Variants in BCAT1 observed in about 807,000 individuals in gnomAD.
BCAT1 encodes branched-chain-amino-acid aminotransferase, cytosolic.
Under a neutral mutation model 52.4 loss-of-function variants are expected in BCAT1, and 48 were observed. That is an observed-to-expected ratio of 0.92 (90% confidence interval 0.73 to 1.16). The LOEUF (loss-of-function observed/expected upper bound fraction) is 1.16, where lower values mean the gene tolerates loss of function less well. Among genes scored for constraint, BCAT1 ranks in the 50% most tolerant of loss-of-function variants. The pLI, the probability that BCAT1 is intolerant of heterozygous loss-of-function variation, is 0.00. For missense variants in BCAT1, 451 were observed against 457.1 expected, an observed-to-expected ratio of 0.99 and a Z score of 0.12; for synonymous variants, 167 against 161.3, an observed-to-expected ratio of 1.04 and a Z score of -0.27.
intron 4 of BCAT1, among the ~76,000 whole-genome samples, chr12:24,880,219 C>T (rs918738537): frequency 2.6e-5 from 4 of 152,176 alleles, no homozygotes; most frequent in African/African-American, 7.2e-5. Context: ...GAGGCTGAGG[C>T]AGGCAGATCA....
chr12:24,894,260 T>C lies in BCAT1; in HGVS notation c.279+15A>G, dbSNP rs750001800. 3 of 1,611,864 alleles carry C rather than the reference T, an allele frequency of 1.9e-6. No individual in the cohort carries two copies. Among genetic ancestry groups the C allele is most frequent in the Non-Finnish European group, 2.5e-6 (3 of 1,178,196 alleles). ...AGTGCAAGCATGTCACTCTCTTTAA[T>C]TCCCATGTACTTACTTCCACTGCAT... On this transcript the variant is annotated intron_variant, in intron 3 of 10. Transcript: ENST00000261192.
Position 24,894,339 on chromosome 12 carries a change from T to G in BCAT1, c.215A>C (p.His72Pro). The G allele has an allele frequency of 1.2e-6, 2 of 1,613,958 alleles. No homozygotes were observed. The highest frequency in any genetic ancestry group is 1.7e-6 in the Non-Finnish European group (2 of 1,179,874). The change falls in exon 3 of 11, where the codon CAT becomes CCT. Residue 72 changes from histidine to proline, a missense_variant. By Grantham distance (77) the His-to-Pro change is moderately conservative. Transcript: ENST00000261192. Reference protein sequence around the residue: ...WSSEFGWEKPHIKPLQNLSLH... With the variant: ...WSSEFGWEKPPIKPLQNLSLH... ...TGACAGGTTCTGAAGAGGCTTGATA[T>G]GAGGTTTCTCCCATCCAAACTCTGA...
chr12:24,868,586 C>T (rs1042345960), intron 5 of BCAT1, among the ~76,000 whole-genome samples: 3 of 151,850 alleles, frequency 2.0e-5, no homozygotes, highest in African/African-American at 4.8e-5. Context: ...ACTTGGTCTC[C>T]GTGCAGAAAA....
intron 7 of BCAT1, among the ~76,000 whole-genome samples, chr12:24,840,068 T>A (rs1941130657): frequency 6.6e-6 from 1 of 152,112 alleles, no homozygotes; most frequent in African/African-American, 2.4e-5. Context: ...AGTCTTAAGG[T>A]CTTGTATATT....
intron 7 of BCAT1, among the ~76,000 whole-genome samples, chr12:24,839,926 T>C (rs185796857): frequency 2.0e-5 from 3 of 152,338 alleles, no homozygotes; most frequent in Admixed American, 2.0e-4. Flanking sequence ...TCTATTTACT[T>C]CAAATATATA....
chr12:24,879,392 C>T (rs1216960611), intron 4 of BCAT1, among the ~76,000 whole-genome samples: 3 of 152,094 alleles, frequency 2.0e-5, no homozygotes, highest in African/African-American at 7.2e-5. Flanking sequence ...AAAAAAATTA[C>T]ATCTACTAGA....
At chr12:24,890,297 GATA>G (rs1942799944) in intron 3 of BCAT1, among the ~76,000 whole-genome samples, 1 of 152,018 alleles carries the variant, frequency 6.6e-6, no homozygotes, top group South Asian at 2.1e-4. Flanking sequence ...TTTCCAGGTG[GATA>G]ATGTCAGAGG....
At chr12:24,838,505 A>G (rs1941072660) in intron 7 of BCAT1, among the ~76,000 whole-genome samples, 1 of 116,004 alleles carries the variant, frequency 8.6e-6, no homozygotes, top group South Asian at 3.1e-4. Flanking sequence ...TTGTGTGTGT[A>G]TATATATGTA....
intron 8 of BCAT1, among the ~76,000 whole-genome samples, chr12:24,835,846 C>T (rs933471059): frequency 2.6e-5 from 4 of 152,220 alleles, no homozygotes; most frequent in South Asian, 2.1e-4. Context: ...CTGCCTTGGC[C>T]TCCCAAAATG....
chr12:24,866,343 G>T (rs894395562), intron 5 of BCAT1, among the ~76,000 whole-genome samples: 8 of 152,306 alleles, frequency 5.3e-5, no homozygotes, highest in African/African-American at 1.9e-4. Flanking sequence ...GGCAGGGCTC[G>T]GGACCTGCAG....
chr12:24,936,611 G>A (rs1477942356), intron 1 of BCAT1, among the ~76,000 whole-genome samples: 1 of 152,180 alleles, frequency 6.6e-6, no homozygotes, highest in East Asian at 1.9e-4. Flanking sequence ...GGAGGCTCTA[G>A]AGTGAGAATG....
chr12:24,867,145 C>T (rs551562180), intron 5 of BCAT1, among the ~76,000 whole-genome samples: 6 of 152,098 alleles, frequency 3.9e-5, no homozygotes, highest in South Asian at 2.1e-4. Flanking sequence ...CCTGAGCCAA[C>T]GAGACCACGA....
At chr12:24,833,990 T>G in intron 8 of BCAT1, 1 of 240,022 alleles carries the variant, frequency 4.2e-6, no homozygotes, top group Non-Finnish European at 6.7e-6. Flanking sequence ...CCAACTAGGT[T>G]TTATATTTTA....
At chr12:24,915,135 A>G (rs1436009221) in intron 1 of BCAT1, among the ~76,000 whole-genome samples, 1 of 151,630 alleles carries the variant, frequency 6.6e-6, no homozygotes, top group African/African-American at 2.4e-5. Flanking sequence ...TTTTGCTTTG[A>G]TATTTTTTAT....
chr12:24,845,216 C>T (rs1021840592), intron 6 of BCAT1, among the ~76,000 whole-genome samples: 5 of 134,192 alleles, frequency 3.7e-5, no homozygotes, highest in Non-Finnish European at 6.5e-5. Context: ...TGTCCCCTCC[C>T]AGCAAAAAAA....
intron 1 of BCAT1, among the ~76,000 whole-genome samples, chr12:24,942,315 C>A (rs138313297): frequency 6.6e-6 from 1 of 151,920 alleles, no homozygotes; most frequent in African/African-American, 2.4e-5. Flanking sequence ...CCAAGGCGGG[C>A]GGATCACTTG....
chr12:24,837,146 A>AAGGAAGGAAGGAAGGAAGGAAGGGAGGG (rs66475442), intron 7 of BCAT1, among the ~76,000 whole-genome samples: 5 of 91,924 alleles, frequency 5.4e-5, no homozygotes, highest in African/African-American at 1.1e-4. Flanking sequence ...GGAAGGAAGG[A>AAGGAAGGAAGGAAGGAAGGAAGGGAGGG]AAGTTATCTA....
chr12:24,840,550 G>T (rs1941143328), intron 7 of BCAT1, among the ~76,000 whole-genome samples: 1 of 152,160 alleles, frequency 6.6e-6, no homozygotes, highest in Admixed American at 6.5e-5. Context: ...GGATGAGAAT[G>T]ATCTGTATCT....
chr12:24,892,911 G>A (rs886259089), intron 3 of BCAT1, among the ~76,000 whole-genome samples: 3 of 152,154 alleles, frequency 2.0e-5, no homozygotes, highest in Non-Finnish European at 4.4e-5. Flanking sequence ...CTTATGACAT[G>A]GTGAGGGCTT....
Sources: gnomAD v4.1 joint callset for allele counts (sites outside exome capture counted in the v4.1 genomes callset) on GRCh38, gnomAD v4.1.1 for gene constraint, MANE v1.5 for transcripts, NCBI Gene and HGNC (gene_info 2026-07-23, HGNC 2026-07-21) for gene names.